CSMD3: variants seen among roughly 807,000 people sequenced by gnomAD.
CSMD3 encodes CUB and Sushi multiple domains 3, also known as CUB and sushi domain-containing protein 3.
Under a neutral mutation model 435.2 loss-of-function variants are expected in CSMD3, and 177 were observed. That is an observed-to-expected ratio of 0.41 (90% confidence interval 0.36 to 0.46). The LOEUF (loss-of-function observed/expected upper bound fraction) is 0.46, where lower values mean the gene tolerates loss of function less well. Among genes scored for constraint, CSMD3 ranks in the 20% least tolerant of loss-of-function variants. CSMD3 has a pLI of 0.34. For synonymous variants in CSMD3, 1,656 were observed against 1,520.5 expected, an observed-to-expected ratio of 1.09 and a Z score of -2.07; for missense variants, 4,265 against 4,504.6, an observed-to-expected ratio of 0.95 and a Z score of 1.52.
At chr8:113,181,424 G>T (rs139389857) in intron 3 of CSMD3, among the ~76,000 whole-genome samples, 1 of 151,988 alleles carries the variant, frequency 6.6e-6, no homozygotes, top group African/African-American at 2.4e-5. Flanking sequence ...TTCAGCATCA[G>T]ATGTAGATTT....
chr8:113,275,331 T>C (rs1423376911), intron 3 of CSMD3, among the ~76,000 whole-genome samples: 1 of 152,070 alleles, frequency 6.6e-6, no homozygotes, highest in Non-Finnish European at 1.5e-5. Flanking sequence ...TTTGGTCTGG[T>C]TTAGTCCTCT....
chr8:112,563,326 T>C (rs1473869942), intron 24 of CSMD3, among the ~76,000 whole-genome samples: 4 of 151,756 alleles, frequency 2.6e-5, no homozygotes, highest in Non-Finnish European at 5.9e-5. Flanking sequence ...TTATGGAAAT[T>C]AAGAATTTAA....
intron 12 of CSMD3, among the ~76,000 whole-genome samples, chr8:112,800,944 T>C (rs989442630): frequency 6.6e-6 from 1 of 152,010 alleles, no homozygotes; most frequent in African/African-American, 2.4e-5. Flanking sequence ...TCATCAATGA[T>C]ATTGTAATTG....
At chr8:112,947,274 T>A (rs563741950) in intron 9 of CSMD3, among the ~76,000 whole-genome samples, 2 of 151,880 alleles carry the variant, frequency 1.3e-5, no homozygotes, top group Admixed American at 6.6e-5. Flanking sequence ...TAATTTTAAA[T>A]TGATAAAATT....
At chr8:113,285,336 T>C (rs2093638635) in intron 2 of CSMD3, among the ~76,000 whole-genome samples, 1 of 127,954 alleles carries the variant, frequency 7.8e-6, no homozygotes, top group Non-Finnish European at 1.6e-5. Flanking sequence ...CTCGGCTCAC[T>C]GCAAGCTCCA....
intron 5 of CSMD3, among the ~76,000 whole-genome samples, chr8:113,067,488 T>C (rs975666258): frequency 2.0e-5 from 3 of 152,112 alleles, no homozygotes; most frequent in Non-Finnish European, 4.4e-5. Context: ...ATTTATATAG[T>C]GTAAAGCTTG....
chr8:112,583,224 C>G (rs1244851126), intron 23 of CSMD3, among the ~76,000 whole-genome samples: 1 of 152,002 alleles, frequency 6.6e-6, no homozygotes, highest in Admixed American at 6.6e-5. Flanking sequence ...ATGAACTCTA[C>G]TTCGTCCTTG....
intron 3 of CSMD3, among the ~76,000 whole-genome samples, chr8:113,270,982 G>A (rs1161507971): frequency 3.9e-5 from 3 of 76,372 alleles, no homozygotes; most frequent in Non-Finnish European, 6.3e-5. Flanking sequence ...TAATCAAAAA[G>A]CATAAAAAAA....
chr8:113,090,209 G>C (rs540013763), intron 5 of CSMD3, among the ~76,000 whole-genome samples: 1 of 152,092 alleles, frequency 6.6e-6, no homozygotes, highest in South Asian at 2.1e-4. Context: ...AGAGAAATTA[G>C]TCAAGTTAGG....
chr8:113,045,712 T>C (rs565007260), intron 5 of CSMD3, among the ~76,000 whole-genome samples: 3 of 149,564 alleles, frequency 2.0e-5, no homozygotes, highest in Admixed American at 1.3e-4. Flanking sequence ...ATATGAAAAA[T>C]TGTAACTATT....
intron 59 of CSMD3, among the ~76,000 whole-genome samples, chr8:112,280,729 T>C (rs538361442): frequency 3.3e-5 from 5 of 152,120 alleles, no homozygotes; most frequent in Admixed American, 6.6e-5. Flanking sequence ...ATTTTTAACA[T>C]AACAAGAGAG....
intron 7 of CSMD3, among the ~76,000 whole-genome samples, chr8:112,968,883 T>G (rs751805757): frequency 6.6e-6 from 1 of 152,010 alleles, no homozygotes; most frequent in Non-Finnish European, 1.5e-5. Context: ...CTCATTGTGA[T>G]GATGCTTATT....
intron 10 of CSMD3, among the ~76,000 whole-genome samples, chr8:112,880,333 A>AC (rs1172188465): frequency 1.3e-5 from 2 of 152,218 alleles, no homozygotes; most frequent in African/African-American, 2.4e-5. Flanking sequence ...GTGGGATCCT[A>AC]CGCTTAAGGA....
At chr8:113,218,466 CAAAAAAA>C (rs35840130) in intron 3 of CSMD3, among the ~76,000 whole-genome samples, 3 of 94,830 alleles carry the variant, frequency 3.2e-5, no homozygotes, top group Non-Finnish European at 7.6e-5. Context: ...TAAAGTGCTA[CAAAAAAA>C]AAAAAAAAGA....
intron 2 of CSMD3, among the ~76,000 whole-genome samples, chr8:113,292,001 A>G (rs1026012525): frequency 2.0e-5 from 3 of 151,862 alleles, no homozygotes; most frequent in Admixed American, 1.3e-4. Context: ...TTTTAAGCCA[A>G]TATCCACTAG....
chr8:112,826,426 A>C (rs1563999416), intron 12 of CSMD3, among the ~76,000 whole-genome samples: 2 of 152,004 alleles, frequency 1.3e-5, no homozygotes, highest in Non-Finnish European at 2.9e-5. Context: ...ATCTGTGTGG[A>C]TCTCTGGTTG....
At chr8:113,115,433 T>C (rs947497190) in intron 4 of CSMD3, among the ~76,000 whole-genome samples, 2 of 152,182 alleles carry the variant, frequency 1.3e-5, no homozygotes, top group African/African-American at 4.8e-5. Flanking sequence ...ATGGTAGAAA[T>C]CTCCCAAATA....
At chr8:112,454,140 A>C (rs2130622720) in intron 32 of CSMD3, among the ~76,000 whole-genome samples, 1 of 152,350 alleles carries the variant, frequency 6.6e-6, no homozygotes, top group East Asian at 1.9e-4. Flanking sequence ...TCAAACTATA[A>C]AAATCCTAAA....
chr8:113,256,891 C>T (rs998804702), intron 3 of CSMD3, among the ~76,000 whole-genome samples: 2 of 152,154 alleles, frequency 1.3e-5, no homozygotes, highest in Non-Finnish European at 2.9e-5. Context: ...GAAATGCAGG[C>T]TCCTGAGCCC....
Sources: gnomAD v4.1 joint callset for allele counts (sites outside exome capture counted in the v4.1 genomes callset) on GRCh38, gnomAD v4.1.1 for gene constraint, MANE v1.5 for transcripts, NCBI Gene and HGNC (gene_info 2026-07-23, HGNC 2026-07-21) for gene names.